STPG1: variants seen among roughly 807,000 people sequenced by gnomAD.
The protein encoded by STPG1 is sperm tail PG-rich repeat containing 1, also known as O(6)-methylguanine-induced apoptosis 2.
Under a neutral mutation model 40.1 loss-of-function variants are expected in STPG1, and 33 were observed. The ratio of observed to expected loss-of-function variants is 0.82; its 90% CI spans 0.62 to 1.10. The LOEUF (loss-of-function observed/expected upper bound fraction) is 1.10. Ranked by LOEUF, STPG1 falls within the 50% of genes least tolerant of loss-of-function variation. The pLI is 0.00. For missense variants in STPG1, 396 were observed against 415.1 expected (o/e 0.95, Z 0.40); for synonymous variants, 150 against 155.0 (o/e 0.97, Z 0.24).
chr1:24,365,300 G>GA (rs1188428689), intron 7 of STPG1, among the ~76,000 whole-genome samples: 3 of 152,200 alleles, frequency 2.0e-5, no homozygotes, highest in Admixed American at 6.5e-5. Flanking sequence ...TCAAGGGTTA[G>GA]AAAAATGGCC....
rs1379161495 is a variant in STPG1, at chr1:24,391,572, G to A, written c.178C>T (p.Pro60Ser). 1.3e-6 allele frequency: 2 copies of A among 1,531,306 alleles called. No individual in the cohort carries two copies. The highest frequency in any genetic ancestry group is 1.8e-6 in the Non-Finnish European group (2 of 1,130,266). The allele number at this position is 1,531,306 out of a possible 1,614,324, so 94.9% of individuals were successfully genotyped here. ...GACAACGTCATTACCTTCTTATGAG[G>A]AAATCTCTTGGCTTGACTATTGAAT... Reference protein sequence around the residue: ...KGFNSQAKRFPHKKNDIPGPG... With the variant: ...KGFNSQAKRFSHKKNDIPGPG... The change falls in exon 3 of 9, where the codon CCT becomes TCT. Residue 60 changes from proline (P) to serine (S), a missense_variant. By Grantham distance (74) the Pro-to-Ser change is moderately conservative. Coordinates refer to ENST00000337248, the MANE Select transcript of STPG1 (RefSeq NM_001199013.2).
At position 24,413,778 on chromosome 1, in the gene STPG1, A is replaced by G. The variant is rs903257780; in HGVS notation, c.-173T>C. Reference sequence around the variant, plus strand: ...TCCACCTTCCGCCGTCCGCGAGGTAACTCCAGCCAATGGCATCCTCTGTTT... The same window carrying G: ...TCCACCTTCCGCCGTCCGCGAGGTAGCTCCAGCCAATGGCATCCTCTGTTT... On this transcript the variant is annotated 5_prime_UTR_variant, in exon 1 of 9. Transcript: ENST00000337248. 6.6e-6 allele frequency: 1 copy of G among 152,190 alleles called. No individual in the cohort carries two copies. Among genetic ancestry groups the G allele is most frequent in the East Asian group, 1.9e-4 (1 of 5,190 alleles). The allele number at this position is 152,190 out of a possible 1,614,324, so 9.4% of individuals were successfully genotyped here.
intron 6 of STPG1, among the ~76,000 whole-genome samples, chr1:24,370,306 T>A (rs1174005833): frequency 6.7e-6 from 1 of 148,156 alleles, no homozygotes; most frequent in Non-Finnish European, 1.5e-5. Flanking sequence ...TATCATGCAA[T>A]CAACAACTAT....
At chr1:24,394,190 T>C (rs1475325743) in intron 2 of STPG1, among the ~76,000 whole-genome samples, 2 of 152,208 alleles carry the variant, frequency 1.3e-5, no homozygotes, top group Non-Finnish European at 2.9e-5. Flanking sequence ...CCTGTTTTCA[T>C]GAGTCACAGC....
rs573511242 is a variant in STPG1 at position 24,364,512 on chromosome 1, T to C, written c.738-3471A>G. 40 of 1,343,294 alleles carry C rather than the reference T, an allele frequency of 3.0e-5. No individual in the cohort carries two copies. The African/African-American group carries it at 5.3e-4, about 18-fold the overall frequency. The allele number at this position is 1,343,294 out of a possible 1,614,324, so 83.2% of individuals were successfully genotyped here. On this transcript the variant is annotated intron_variant, in intron 7 of 8. Coordinates refer to ENST00000337248, the MANE Select transcript of STPG1 (RefSeq NM_001199013.2). Reference sequence around the variant, plus strand: ...GCATTTTCTATGGCTTTTACTTGCCTAGCTCTTTAAGGGAAGGTATTGTGT... The same window carrying C: ...GCATTTTCTATGGCTTTTACTTGCCCAGCTCTTTAAGGGAAGGTATTGTGT...
intron 7 of STPG1, among the ~76,000 whole-genome samples, chr1:24,362,817 G>GGAT (rs1353056462): frequency 2.0e-5 from 3 of 152,204 alleles, no homozygotes; most frequent in Admixed American, 1.3e-4. Context: ...CAGCTGGCGT[G>GGAT]GATGCTTATA....
intron 4 of STPG1, among the ~76,000 whole-genome samples, chr1:24,380,739 C>T (rs1642248666): frequency 6.6e-6 from 1 of 152,146 alleles, no homozygotes; most frequent in Non-Finnish European, 1.5e-5. Context: ...GCACCAGAAG[C>T]GGGAGTGTTC....
intron 7 of STPG1, chr1:24,364,308 C>T (rs1227680993): frequency 2.6e-6 from 4 of 1,549,862 alleles, no homozygotes; most frequent in Non-Finnish European, 3.5e-6. Flanking sequence ...GGCAGAGGGA[C>T]CTGGATTCAA....
Position 24,369,778 on chromosome 1 carries a change from A to G in STPG1, c.633T>C (p.Phe211=), listed in dbSNP as rs1419591278. ...KQSPNTLMSC[F]KSKTNRGLKL... is the part of the protein sequence containing the mutation. ...TTAATCCACGGTTGGTTTTTGATTT[A>G]AAACAAGACATTAATGTATTTGGCG... Residue 211 remains phenylalanine, a synonymous_variant, in exon 7 of 9, where the codon TTT becomes TTC. Coordinates refer to ENST00000337248, the MANE Select transcript of STPG1 (RefSeq NM_001199013.2). The G allele has an allele frequency of 2.2e-5, 35 of 1,613,218 alleles. No homozygotes were observed. The highest frequency in any genetic ancestry group is 3.0e-5 in the Non-Finnish European group (35 of 1,179,332).
At chr1:24,372,114 G>A (rs1329370291) in intron 6 of STPG1, among the ~76,000 whole-genome samples, 1 of 152,184 alleles carries the variant, frequency 6.6e-6, no homozygotes, top group African/African-American at 2.4e-5. Context: ...GGGGGCGGAG[G>A]TTGCGGTGAG....
chr1:24,373,630 A>C (rs758883889), intron 6 of STPG1, 72 bp downstream of exon 6: 18 of 1,005,256 alleles, frequency 1.8e-5, no homozygotes, highest in Non-Finnish European at 2.8e-5. Context: ...CCTGTGAAGA[A>C]GTAGGTGCCC....
rs1419217077 is a variant in STPG1 at position 24,413,655 on chromosome 1, C to G, written c.-69+19G>C. On this transcript the variant is annotated intron_variant, in intron 1 of 8. Coordinates refer to ENST00000337248, the MANE Select transcript of STPG1 (RefSeq NM_001199013.2). Reference sequence around the variant, plus strand: ...CCACGACCTCAGGGACCGGTCCCCCCGCCGGAACTGCTTCCTACCTGGTCC... The same window carrying G: ...CCACGACCTCAGGGACCGGTCCCCCGGCCGGAACTGCTTCCTACCTGGTCC... 1 of 152,270 alleles carries G rather than the reference C, an allele frequency of 6.6e-6. No individual in the cohort carries two copies. The highest frequency in any genetic ancestry group is 1.5e-5 in the Non-Finnish European group (1 of 68,090). The allele number at this position is 152,270 out of a possible 1,614,324, so 9.4% of individuals were successfully genotyped here.
intron 7 of STPG1, among the ~76,000 whole-genome samples, chr1:24,362,856 G>C (rs1041737924): frequency 6.6e-6 from 1 of 152,170 alleles, no homozygotes; most frequent in Non-Finnish European, 1.5e-5. Context: ...ACAGGGAAAG[G>C]GGGGACATGC....
At chr1:24,398,184 G>GCTA in intron 2 of STPG1, among the ~76,000 whole-genome samples, 2 of 152,176 alleles carry the variant, frequency 1.3e-5, no homozygotes, top group East Asian at 3.9e-4. Context: ...GACTAATGAT[G>GCTA]CTAAGCAGTC....
intron 3 of STPG1, 165 bp downstream of exon 3, chr1:24,391,396 C>A (rs1642763781): frequency 4.4e-6 from 2 of 458,622 alleles, no homozygotes; most frequent in Non-Finnish European, 3.9e-6. Context: ...CTCGTTCTTA[C>A]AGTTAGTCCA....
intron 8 of STPG1, among the ~76,000 whole-genome samples, chr1:24,358,873 T>G (rs1450286880): frequency 1.3e-5 from 2 of 152,182 alleles, no homozygotes; most frequent in African/African-American, 4.8e-5. Flanking sequence ...TTTACAAAAC[T>G]ATTTTCTATG....
chr1:24,368,529 T>C (rs570393432), intron 7 of STPG1, among the ~76,000 whole-genome samples: 1 of 152,260 alleles, frequency 6.6e-6, no homozygotes, highest in East Asian at 1.9e-4. Flanking sequence ...TTCCAGAAGT[T>C]CTAGAACCAT....
chr1:24,410,595 C>T (rs569134090), intron 1 of STPG1: 121 of 153,296 alleles, frequency 7.9e-4, no homozygotes, highest in African/African-American at 2.7e-3. Context: ...GGCAACAGAG[C>T]GAGACTCCGT....
chr1:24,385,761 G>A (rs1642479534), intron 3 of STPG1, among the ~76,000 whole-genome samples: 1 of 152,126 alleles, frequency 6.6e-6, no homozygotes, highest in Admixed American at 6.5e-5. Context: ...AATCCCCACC[G>A]GGTTATGAAT....
Sources: gnomAD v4.1 joint callset for allele counts (sites outside exome capture counted in the v4.1 genomes callset) on GRCh38, gnomAD v4.1.1 for gene constraint, MANE v1.5 for transcripts, NCBI Gene and HGNC (gene_info 2026-07-23, HGNC 2026-07-21) for gene names.